The following ELAPOR2 variants were observed in gnomAD, a reference collection of about 807,000 sequenced individuals.
The protein encoded by ELAPOR2 is endosome/lysosome-associated apoptosis and autophagy regulator family member 2.
In ELAPOR2, 89 loss-of-function variants were observed where a neutral mutation model predicts 120.7. That is an observed-to-expected ratio of 0.74 (90% CI 0.62 to 0.88). ELAPOR2 has a LOEUF of 0.88. Ranked by LOEUF, ELAPOR2 falls within the 40% of genes least tolerant of loss-of-function variation. The probability of loss-of-function intolerance (pLI) is 0.00; values close to 1 mark genes in which losing one functional copy is unlikely to be tolerated. For missense variants in ELAPOR2, 1,134 were observed against 1,251.6 expected (o/e 0.91, Z 1.42); for synonymous variants, 444 against 444.9 (o/e 1.00, Z 0.03).
chr7:86,947,407 G>A (rs1791053750), intron 3 of ELAPOR2, among the ~76,000 whole-genome samples: 1 of 152,256 alleles, frequency 6.6e-6, no homozygotes, highest in Middle Eastern at 3.4e-3. Flanking sequence ...AAAAAAACCT[G>A]AAAGTATCTG....
At position 86,965,790 on chromosome 7, in the gene ELAPOR2, A is replaced by C. The variant is rs535738111; in HGVS notation, c.190-766T>G. On this transcript the variant is annotated intron_variant, in intron 1 of 21. Coordinates refer to ENST00000450689, the MANE Select transcript of ELAPOR2 (RefSeq NM_001142749.3). The stretch of plus-strand genomic sequence containing the variant: ...GTGAGAAATTCCAAATCTACCCCAA[A>C]TTGTTTTCAGTTCAATACCTTACTT... The C allele has an allele frequency of 3.7e-4, 368 of 983,420 alleles. 1 individual carries two copies. In the African/African-American group the frequency reaches 4.7e-3, roughly 13 times the overall value. The allele number at this position is 983,420 out of a possible 1,614,324, so 60.9% of individuals were successfully genotyped here.
intron 1 of ELAPOR2, among the ~76,000 whole-genome samples, chr7:87,035,105 A>T (rs928881173): frequency 6.6e-6 from 1 of 151,466 alleles, no homozygotes; most frequent in African/African-American, 2.4e-5. Flanking sequence ...AAAAAAAAAA[A>T]TTGTGTGCTA....
intron 21 of ELAPOR2, among the ~76,000 whole-genome samples, chr7:86,885,774 T>C (rs1195529559): frequency 1.3e-5 from 2 of 152,106 alleles, no homozygotes; most frequent in African/African-American, 4.8e-5. Context: ...AATGTGATCT[T>C]TGGAGGGATT....
intron 1 of ELAPOR2, among the ~76,000 whole-genome samples, chr7:87,050,292 G>A (rs1433680360): frequency 6.6e-6 from 1 of 152,142 alleles, no homozygotes; most frequent in Non-Finnish European, 1.5e-5. Context: ...TGCTGAAGAT[G>A]GGGCCTGGTG....
rs376262529 is a variant in ELAPOR2 at position 87,023,120 on chromosome 7, T to C, written c.189+36205A>G. Among the ~76,000 whole-genome samples the C allele has an allele frequency of 9.2e-5, 14 of 152,354 alleles. No homozygotes were observed. In the East Asian group the frequency reaches 1.5e-3, roughly 17 times the overall value. On this transcript the variant is annotated intron_variant, in intron 1 of 21. Coordinates refer to ENST00000450689, the MANE Select transcript of ELAPOR2 (RefSeq NM_001142749.3). ...TTTGTTGCCATTGCTTTTGGTGTTT[T>C]AGACATGAAGTCCTTGCCCATGCCT...
chr7:86,889,470 G>A (rs1799852027), intron 21 of ELAPOR2, among the ~76,000 whole-genome samples: 1 of 145,064 alleles, frequency 6.9e-6, no homozygotes, highest in South Asian at 2.2e-4. Flanking sequence ...TACTGGTTTT[G>A]TTTTTTTTTT....
At chr7:86,996,641 C>T (rs1793134520) in intron 1 of ELAPOR2, among the ~76,000 whole-genome samples, 1 of 152,094 alleles carries the variant, frequency 6.6e-6, no homozygotes. Flanking sequence ...CTTAAAAGAC[C>T]ACACTGGCTG....
intron 10 of ELAPOR2, among the ~76,000 whole-genome samples, chr7:86,923,130 T>C (rs1789900788): frequency 6.6e-6 from 1 of 151,942 alleles, no homozygotes; most frequent in Non-Finnish European, 1.5e-5. Flanking sequence ...ATTTTTCTGA[T>C]CATCATTCTA....
chr7:87,053,524 G>C (rs1795177483), intron 1 of ELAPOR2, among the ~76,000 whole-genome samples: 1 of 152,152 alleles, frequency 6.6e-6, no homozygotes, highest in African/African-American at 2.4e-5. Context: ...AGGACATATA[G>C]CTAAGCATGC....
intron 1 of ELAPOR2, among the ~76,000 whole-genome samples, chr7:86,982,733 C>T (rs1378303980): frequency 6.6e-6 from 1 of 152,128 alleles, no homozygotes; most frequent in East Asian, 1.9e-4. Context: ...TGGGGAGAAA[C>T]CAGAGGAGAA....
chr7:86,916,955 A>ATTT (rs58682563), intron 12 of ELAPOR2, among the ~76,000 whole-genome samples: 28 of 86,682 alleles, frequency 3.2e-4, no homozygotes, highest in African/African-American at 4.5e-4. Context: ...TGGCCAGCTA[A>ATTT]TTTTTTTTTT....
intron 1 of ELAPOR2, among the ~76,000 whole-genome samples, chr7:87,034,589 C>A (rs1794523530): frequency 6.6e-6 from 1 of 151,782 alleles, no homozygotes; most frequent in South Asian, 2.1e-4. Flanking sequence ...TATGTTTAAG[C>A]ATCAATTATT....
chr7:87,043,451 T>C (rs1454013890), intron 1 of ELAPOR2, among the ~76,000 whole-genome samples: 4 of 151,720 alleles, frequency 2.6e-5, no homozygotes, highest in Non-Finnish European at 5.9e-5. Flanking sequence ...GCAAGGCTGG[T>C]TCAATATACG....
intron 1 of ELAPOR2, among the ~76,000 whole-genome samples, chr7:87,054,225 T>C (rs995107092): frequency 6.6e-6 from 1 of 152,290 alleles, no homozygotes; most frequent in East Asian, 1.9e-4. Context: ...CAATAAAGAA[T>C]TATTATAAGA....
chr7:87,011,264 A>AAAAAAAAAAAAG (rs1554404742), intron 1 of ELAPOR2, among the ~76,000 whole-genome samples: 1 of 133,772 alleles, frequency 7.5e-6, no homozygotes, highest in Non-Finnish European at 1.5e-5. Context: ...AAAAAAAAAA[A>AAAAAAAAAAAAG]AAAAGAAAAG....
rs868622348 is a variant in ELAPOR2 at position 86,905,330 on chromosome 7, A to G, written c.2558+2340T>C. ...TATTCAACCTCACTGCTAAAAAAAAACCAAAACAAACAAACAAAAAAACCT... is the reference window on the plus strand; with the variant it reads ...TATTCAACCTCACTGCTAAAAAAAAGCCAAAACAAACAAACAAAAAAACCT... On this transcript the variant is annotated intron_variant, in intron 18 of 21. Transcript: ENST00000450689. Among the ~76,000 whole-genome samples, 4 of 151,830 alleles carry G rather than the reference A, an allele frequency of 2.6e-5. No individual in the cohort carries two copies. In the South Asian group the frequency reaches 6.2e-4, roughly 24 times the overall value.
chr7:86,900,974 A>G (rs1788696884), intron 18 of ELAPOR2, among the ~76,000 whole-genome samples: 1 of 152,222 alleles, frequency 6.6e-6, no homozygotes, highest in Non-Finnish European at 1.5e-5. Flanking sequence ...CATCATCTCC[A>G]GCCACCTCCC....
intron 4 of ELAPOR2, among the ~76,000 whole-genome samples, chr7:86,944,686 G>A (rs539254512): frequency 6.6e-6 from 1 of 152,004 alleles, no homozygotes; most frequent in South Asian, 2.1e-4. Flanking sequence ...TATGCTGCAA[G>A]GTGAGATCTT....
At chr7:87,055,823 A>G (rs1345073740) in intron 1 of ELAPOR2, among the ~76,000 whole-genome samples, 1 of 152,314 alleles carries the variant, frequency 6.6e-6, no homozygotes, top group African/African-American at 2.4e-5. Flanking sequence ...TGTCTAGCAC[A>G]TGGTATAAAC....
Sources: allele counts gnomAD v4.1 joint callset (sites outside exome capture counted in the v4.1 genomes callset), GRCh38; gene constraint gnomAD v4.1.1; transcripts MANE v1.5; gene names NCBI Gene and HGNC (gene_info 2026-07-23, HGNC 2026-07-21).